Variants in ZBTB44 observed in about 807,000 individuals in gnomAD.
ZBTB44 encodes the protein zinc finger and BTB domain containing 44.
A neutral mutation model predicts 54.0 loss-of-function variants in ZBTB44; 15 were observed. The ratio of observed to expected loss-of-function variants is 0.28; its 90% CI spans 0.19 to 0.43. The LOEUF (loss-of-function observed/expected upper bound fraction) is 0.43. Ranked by LOEUF, ZBTB44 falls within the 20% of genes least tolerant of loss-of-function variation. ZBTB44 has a pLI of 1.00. For missense variants in ZBTB44, 487 were observed against 707.1 expected (o/e 0.69, Z 3.53); for synonymous variants, 230 against 250.1 (o/e 0.92, Z 0.76).
intron 1 of ZBTB44, among the ~76,000 whole-genome samples, chr11:130,268,349 G>A (rs1256566822): frequency 6.6e-6 from 1 of 152,092 alleles, no homozygotes; most frequent in African/African-American, 2.4e-5. Context: ...TCCATCCAGA[G>A]CAGTAGCACC....
intron 5 of ZBTB44, among the ~76,000 whole-genome samples, chr11:130,235,687 A>G (rs1170264164): frequency 6.6e-6 from 1 of 152,120 alleles, no homozygotes; most frequent in Non-Finnish European, 1.5e-5. Flanking sequence ...AAGGTTTTAA[A>G]AATAAGGGTG....
intron 2 of ZBTB44, among the ~76,000 whole-genome samples, chr11:130,249,492 C>T (rs560333645): frequency 3.3e-5 from 5 of 152,308 alleles, no homozygotes; most frequent in South Asian, 2.1e-4. Flanking sequence ...AAAGACACTA[C>T]GTCTTGGCTG....
intron 1 of ZBTB44, among the ~76,000 whole-genome samples, chr11:130,277,619 G>A (rs925473995): frequency 2.0e-5 from 3 of 151,958 alleles, no homozygotes; most frequent in African/African-American, 7.3e-5. Context: ...ATATAAAATA[G>A]CTTGCTTTTT....
chr11:130,269,690 T>C (rs1939530087), intron 1 of ZBTB44, among the ~76,000 whole-genome samples: 1 of 152,204 alleles, frequency 6.6e-6, no homozygotes, highest in East Asian at 1.9e-4. Flanking sequence ...TAGATTGGTT[T>C]AAGTTAGACA....
rs757286125 is a variant in ZBTB44, at chr11:130,276,232, C to CAAAAAAAAAAAAAAAA, written c.-56-14304_-56-14303insTTTTTTTTTTTTTTTT. Among the ~76,000 whole-genome samples the CAAAAAAAAAAAAAAAA allele has an allele frequency of 1.1e-3, 36 of 31,720 alleles. 1 individual carries two copies. Among genetic ancestry groups the CAAAAAAAAAAAAAAAA allele is most frequent in the South Asian group, 2.4e-3 (1 of 422 alleles). The allele number at this position is 31,720 out of a possible 152,430, so 20.8% of individuals were successfully genotyped here. A position where few individuals can be genotyped will look rare whatever the true frequency, so the allele number is the denominator to read the frequency against. On this transcript the variant is annotated intron_variant, in intron 1 of 7. Coordinates refer to ENST00000357899, the MANE Select transcript of ZBTB44 (RefSeq NM_001301098.2). Reference sequence around the variant, plus strand: ...CAAGAGTGAACGTGAAACTCTGTCTCAAAAAAAAAAAAAAGAAAAAAGAAA... The same window carrying CAAAAAAAAAAAAAAAA: ...CAAGAGTGAACGTGAAACTCTGTCTCAAAAAAAAAAAAAAAAAAAAAAAAAAAAAAGAAAAAAGAAA...
intron 1 of ZBTB44, among the ~76,000 whole-genome samples, chr11:130,313,970 T>G (rs1216884669): frequency 6.7e-6 from 1 of 149,928 alleles, no homozygotes; most frequent in Non-Finnish European, 1.5e-5. Context: ...ATATATATTT[T>G]TTTAAAGAAG....
At chr11:130,239,979 G>A in intron 2 of ZBTB44, 83 bp from the exon 3 acceptor site, 2 of 900,634 alleles carry the variant, frequency 2.2e-6, no homozygotes, top group Non-Finnish European at 3.5e-6. Context: ...TTATATCTAA[G>A]CCTCTGACAT....
At position 130,307,710 on chromosome 11, in the gene ZBTB44, G is replaced by A. The variant is rs1206408157; in HGVS notation, c.-57+6665C>T. 2.0e-5 allele frequency among the ~76,000 whole-genome samples: 3 copies of A among 152,190 alleles called. No individual in the cohort carries two copies. In the South Asian group the frequency reaches 6.2e-4, roughly 32 times the overall value. ...GTCTCATTCTGTCGCTCAGGCTGGA[G>A]GGCAGTGGTGCAATCTGGGCTCACT... On this transcript the variant is annotated intron_variant, in intron 1 of 7. Transcript: ENST00000357899.
At chr11:130,274,799 A>G (rs192255068) in intron 1 of ZBTB44, among the ~76,000 whole-genome samples, 7 of 152,288 alleles carry the variant, frequency 4.6e-5, no homozygotes, top group East Asian at 1.9e-4. Context: ...CATTATTCAT[A>G]AGAGATATTG....
intron 1 of ZBTB44, among the ~76,000 whole-genome samples, chr11:130,262,477 G>A (rs1938941457): frequency 6.6e-6 from 1 of 152,154 alleles, no homozygotes; most frequent in Non-Finnish European, 1.5e-5. Flanking sequence ...GGCTGCAACA[G>A]TTTGTAAATA....
intron 1 of ZBTB44, among the ~76,000 whole-genome samples, chr11:130,288,664 G>A (rs541508547): frequency 7.9e-5 from 12 of 152,072 alleles, no homozygotes; most frequent in South Asian, 4.2e-4. Flanking sequence ...TTGGGAGGCC[G>A]AGGCAGGCAG....
chr11:130,260,920 C>T lies in ZBTB44; in HGVS notation c.954G>A (p.Gln318=). ...GGACTTGTTCACTTCCTGGAACTGT[C>T]TGCTGATCACTCAGCGAACTCTGAG... is the stretch of plus-strand genomic sequence containing the variant. ...SASQSSLSDQ[Q]TVPGSEQVQE... is the part of the protein sequence containing the mutation. Residue 318 remains glutamine, a synonymous_variant, in exon 2 of 8, where the codon CAG becomes CAA. Transcript: ENST00000357899. 1 of 1,614,008 alleles carries T rather than the reference C, an allele frequency of 6.2e-7. No individual in the cohort carries two copies. Among genetic ancestry groups the T allele is most frequent in the Non-Finnish European group, 8.5e-7 (1 of 1,179,906 alleles).
intron 1 of ZBTB44, among the ~76,000 whole-genome samples, chr11:130,269,178 A>G (rs1489842823): frequency 6.6e-6 from 1 of 151,952 alleles, no homozygotes; most frequent in Non-Finnish European, 1.5e-5. Flanking sequence ...AATCCTAGCT[A>G]GTCGGGAGGC....
intron 2 of ZBTB44, among the ~76,000 whole-genome samples, chr11:130,255,694 A>C (rs1391393184): frequency 6.6e-6 from 1 of 152,140 alleles, no homozygotes; most frequent in African/African-American, 2.4e-5. Flanking sequence ...AAATAGACAC[A>C]ATAAAAAATG....
chr11:130,293,145 G>C (rs948891567), intron 1 of ZBTB44, among the ~76,000 whole-genome samples: 14 of 151,920 alleles, frequency 9.2e-5, no homozygotes, highest in African/African-American at 3.4e-4. Flanking sequence ...ATTTCAAATG[G>C]ACTACTTTAT....
chr11:130,285,308 T>TTTTTTTTTTTTTTTTTTTTGTTTGCCAG (rs1940876993), intron 1 of ZBTB44: 1 of 149,846 alleles, frequency 6.7e-6, no homozygotes. Flanking sequence ...TTTTTTTTTT[T>TTTTTTTTTTTTTTTTTTTTGTTTGCCAG]GAGATAGAGT....
chr11:130,242,479 A>G (rs1389368831), intron 2 of ZBTB44, among the ~76,000 whole-genome samples: 3 of 152,224 alleles, frequency 2.0e-5, no homozygotes, highest in East Asian at 3.9e-4. Flanking sequence ...CCAAAAGTCC[A>G]TTCTTTATAA....
At chr11:130,306,662 C>T (rs1485209420) in intron 1 of ZBTB44, among the ~76,000 whole-genome samples, 3 of 152,194 alleles carry the variant, frequency 2.0e-5, no homozygotes, top group Admixed American at 6.5e-5. Context: ...CCAACCTAAA[C>T]GCCCATCAAA....
intron 1 of ZBTB44, among the ~76,000 whole-genome samples, chr11:130,309,261 A>G (rs1454584062): frequency 6.6e-6 from 1 of 152,090 alleles, no homozygotes; most frequent in East Asian, 1.9e-4. Flanking sequence ...TTTACCTACA[A>G]TTGCCTTGGT....
Sources: gnomAD v4.1 joint callset for allele counts (sites outside exome capture counted in the v4.1 genomes callset) on GRCh38, gnomAD v4.1.1 for gene constraint, MANE v1.5 for transcripts, NCBI Gene and HGNC (gene_info 2026-07-23, HGNC 2026-07-21) for gene names.